Variants in FAM185A observed in about 807,000 individuals in gnomAD.
FAM185A encodes the protein protein FAM185A.
Under a neutral mutation model 45.7 loss-of-function variants are expected in FAM185A, and 21 were observed. That is an observed-to-expected ratio of 0.46 (90% CI 0.33 to 0.66). The LOEUF (loss-of-function observed/expected upper bound fraction) is 0.66, where lower values mean the gene tolerates loss of function less well. Among genes scored for constraint, FAM185A ranks in the 30% least tolerant of loss-of-function variants. The pLI, the probability that FAM185A is intolerant of heterozygous loss-of-function variation, is 0.03. For synonymous variants in FAM185A, 117 were observed against 194.0 expected (o/e 0.60, Z 3.30); for missense variants, 305 against 485.4 (o/e 0.63, Z 3.49).
chr7:102,759,973 C>A (rs1442137932), intron 3 of FAM185A, among the ~76,000 whole-genome samples: 1 of 152,010 alleles, frequency 6.6e-6, no homozygotes, highest in African/African-American at 2.4e-5. Context: ...GTCCACTTAA[C>A]AAGGTTGTGA....
chr7:102,801,921 C>CAAA (rs200430332), intron 7 of FAM185A, among the ~76,000 whole-genome samples: 2 of 125,214 alleles, frequency 1.6e-5, no homozygotes, highest in Admixed American at 8.4e-5. Context: ...GACTACGTCT[C>CAAA]AAAAAAAAAA....
the FAM185A span, chr7:102,832,716 A>T: frequency 8.3e-7 from 1 of 1,199,982 alleles, no homozygotes; most frequent in Non-Finnish European, 1.1e-6. Flanking sequence ...GAAGAAAAAA[A>T]TCCAATGAAT....
intron 7 of FAM185A, among the ~76,000 whole-genome samples, chr7:102,802,784 T>A (rs1473621036): frequency 1.3e-5 from 2 of 151,394 alleles, no homozygotes; most frequent in African/African-American, 4.9e-5. Context: ...AAAAGATAAA[T>A]AAACTTGATA....
chr7:102,838,929 G>A, the FAM185A span, among the ~76,000 whole-genome samples: 6 of 152,316 alleles, frequency 3.9e-5, no homozygotes, highest in South Asian at 2.1e-4. Flanking sequence ...CCCGACACCC[G>A]TGAAGGGTCT....
chr7:102,764,807 A>AT (rs1203104052), intron 4 of FAM185A, among the ~76,000 whole-genome samples: 2 of 151,430 alleles, frequency 1.3e-5, no homozygotes, highest in African/African-American at 2.4e-5. Flanking sequence ...GCTTAAACTA[A>AT]TTTTTTTCCA....
At chr7:102,801,319 TA>T (rs968335402) in intron 7 of FAM185A, among the ~76,000 whole-genome samples, 9 of 145,216 alleles carry the variant, frequency 6.2e-5, no homozygotes, top group Non-Finnish European at 7.6e-5. Flanking sequence ...AAATACAATT[TA>T]AAAAAAAAAC....
chr7:102,831,433 C>CA, the FAM185A span, among the ~76,000 whole-genome samples: 1 of 130,774 alleles, frequency 7.6e-6, no homozygotes, highest in Admixed American at 7.5e-5. Context: ...ACACACACAC[C>CA]CCACTACAGA....
At chr7:102,766,138 T>C (rs1379315125) in intron 4 of FAM185A, among the ~76,000 whole-genome samples, 1 of 152,290 alleles carries the variant, frequency 6.6e-6, no homozygotes, top group East Asian at 1.9e-4. Context: ...GTTTTATTTA[T>C]AACCCATGAT....
chr7:102,815,605 A>AGACC, the FAM185A span, among the ~76,000 whole-genome samples: 1 of 152,086 alleles, frequency 6.6e-6, no homozygotes, highest in Non-Finnish European at 1.5e-5. Flanking sequence ...CTGTAGTACA[A>AGACC]GAGTAGCACA....
At chr7:102,813,835 C>G (rs773328541), downstream of FAM185A, among the ~76,000 whole-genome samples, 2 of 152,126 alleles carry the variant, frequency 1.3e-5, no homozygotes, top group Non-Finnish European at 1.5e-5. Context: ...TTTAAGTAAG[C>G]CCCTTCCTTG....
At chr7:102,836,784 A>G in the FAM185A span, among the ~76,000 whole-genome samples, 5 of 151,878 alleles carry the variant, frequency 3.3e-5, no homozygotes, top group African/African-American at 7.2e-5. Context: ...TTTCACTCAC[A>G]TTTATTGACT....
At chr7:102,773,481 A>AT (rs972090690) in intron 5 of FAM185A, among the ~76,000 whole-genome samples, 17 of 152,222 alleles carry the variant, frequency 1.1e-4, no homozygotes, top group African/African-American at 3.8e-4. Context: ...GCCATTTCTA[A>AT]TTTTTTGGCA....
intron 6 of FAM185A, among the ~76,000 whole-genome samples, chr7:102,779,048 G>C (rs1482596578): frequency 1.3e-5 from 2 of 152,208 alleles, no homozygotes; most frequent in Non-Finnish European, 2.9e-5. Context: ...GGGCCTGGGA[G>C]TCACACCTGA....
the FAM185A span, chr7:102,833,047 T>C: frequency 1.3e-5 from 19 of 1,514,668 alleles, no homozygotes; most frequent in Admixed American, 1.9e-5. Context: ...TAGTAGCTTA[T>C]TAAATGTACA....
At chr7:102,753,363 T>C (rs1188093429) in intron 2 of FAM185A, among the ~76,000 whole-genome samples, 5 of 151,604 alleles carry the variant, frequency 3.3e-5, no homozygotes, top group Non-Finnish European at 7.4e-5. Context: ...CTGATAGTTC[T>C]GAAAGATCTT....
chr7:102,806,765 G>C (rs1183257920), intron 7 of FAM185A, among the ~76,000 whole-genome samples: 1 of 152,210 alleles, frequency 6.6e-6, no homozygotes, highest in African/African-American at 2.4e-5. Context: ...GGGGAGCTTT[G>C]TGATTGCCAC....
the FAM185A span, among the ~76,000 whole-genome samples, chr7:102,814,883 A>G: frequency 6.6e-6 from 1 of 152,220 alleles, no homozygotes; most frequent in African/African-American, 2.4e-5. Flanking sequence ...ACATATCCTC[A>G]AAGTAGAACA....
At chr7:102,800,384 A>G (rs1384949699) in intron 7 of FAM185A, among the ~76,000 whole-genome samples, 2 of 152,200 alleles carry the variant, frequency 1.3e-5, no homozygotes, top group Admixed American at 6.5e-5. Context: ...AATGGATCCA[A>G]ACCAAGAAGA....
At chr7:102,809,717 A>C (rs1293853719), downstream of FAM185A, among the ~76,000 whole-genome samples, 2 of 152,170 alleles carry the variant, frequency 1.3e-5, no homozygotes, top group Non-Finnish European at 2.9e-5. Context: ...AATTAATTAA[A>C]ATAAACAAAT....
Sources: gnomAD v4.1 joint callset for allele counts (sites outside exome capture counted in the v4.1 genomes callset) on GRCh38, gnomAD v4.1.1 for gene constraint, MANE v1.5 for transcripts, NCBI Gene and HGNC (gene_info 2026-07-23, HGNC 2026-07-21) for gene names.